SEC63: variants seen among roughly 807,000 people sequenced by gnomAD.
SEC63 encodes translocation protein SEC63 homolog.
A neutral mutation model predicts 116.2 loss-of-function variants in SEC63; 56 were observed. That is an observed-to-expected ratio of 0.48 (90% CI 0.39 to 0.60). The LOEUF (loss-of-function observed/expected upper bound fraction) is 0.60. SEC63 is among the 20% of genes least tolerant of loss of function. The probability of loss-of-function intolerance (pLI) is 0.00; values close to 1 mark genes in which losing one functional copy is unlikely to be tolerated. For synonymous variants in SEC63, 273 were observed against 294.6 expected (o/e 0.93, Z 0.75); for missense variants, 668 against 900.0 (o/e 0.74, Z 3.30).
At chr6:107,896,568 G>A (rs142134708) in intron 14 of SEC63, among the ~76,000 whole-genome samples, 4 of 152,306 alleles carry the variant, frequency 2.6e-5, no homozygotes, top group East Asian at 3.9e-4. Flanking sequence ...ATATATGTAC[G>A]TATGCACTAT....
intron 4 of SEC63, among the ~76,000 whole-genome samples, chr6:107,918,526 T>C (rs1787467758): frequency 6.6e-6 from 1 of 151,996 alleles, no homozygotes; most frequent in Non-Finnish European, 1.5e-5. Context: ...ACCCTGTCTC[T>C]ACTAAAAATA....
chr6:107,903,947 G>A (rs574387930), intron 11 of SEC63, among the ~76,000 whole-genome samples: 9 of 151,684 alleles, frequency 5.9e-5, no homozygotes, highest in South Asian at 2.1e-4. Flanking sequence ...ATGAAACCCC[G>A]TCTCTACTAA....
intron 20 of SEC63, 124 bp downstream of exon 20, chr6:107,872,684 T>C (rs760112529): frequency 5.6e-5 from 37 of 665,858 alleles, no homozygotes; most frequent in Non-Finnish European, 8.1e-5. Context: ...GTATATCATA[T>C]ATAAAGCATG....
intron 19 of SEC63, among the ~76,000 whole-genome samples, chr6:107,874,862 T>G (rs529102775): frequency 6.6e-6 from 1 of 152,176 alleles, no homozygotes; most frequent in Non-Finnish European, 1.5e-5. Flanking sequence ...GATCCTTGAT[T>G]AGATCCTGAG....
intron 18 of SEC63, among the ~76,000 whole-genome samples, chr6:107,878,553 T>A (rs1786334109): frequency 6.6e-6 from 1 of 152,332 alleles, no homozygotes; most frequent in African/African-American, 2.4e-5. Context: ...ACAATGAGAT[T>A]CACTCAAGAA....
intron 1 of SEC63, among the ~76,000 whole-genome samples, chr6:107,937,477 A>G (rs1449187302): frequency 6.6e-6 from 1 of 152,174 alleles, no homozygotes; most frequent in Non-Finnish European, 1.5e-5. Flanking sequence ...GGTTGGTACC[A>G]TGTCTTTGCT....
chr6:107,898,502 G>C (rs1429018181), intron 13 of SEC63, among the ~76,000 whole-genome samples: 3 of 151,970 alleles, frequency 2.0e-5, no homozygotes, highest in Non-Finnish European at 4.4e-5. Flanking sequence ...AAAAAATAAT[G>C]AAAGCTAGTA....
At position 107,903,014 on chromosome 6, in the gene SEC63, A is replaced by G. The variant is rs1488947011; in HGVS notation, c.1055-16T>C. 6 of 1,612,630 alleles carry G rather than the reference A, an allele frequency of 3.7e-6. No homozygotes were observed. The highest frequency in any genetic ancestry group is 5.1e-6 in the Non-Finnish European group (6 of 1,178,838). On this transcript the variant is annotated splice_polypyrimidine_tract_variant and intron_variant, in intron 11 of 20. Transcript: ENST00000369002. ...AACTCCCTTTCTTAGAAAGAACAGG[A>G]AAAAAAGAAACAGGGCTGGACTTTT...
At chr6:107,939,890 C>T (rs963357424) in intron 1 of SEC63, among the ~76,000 whole-genome samples, 5 of 152,078 alleles carry the variant, frequency 3.3e-5, no homozygotes, top group East Asian at 1.9e-4. Flanking sequence ...CTGCTCTAGA[C>T]GACCAAAAAT....
chr6:107,950,481 G>A (rs1229237776), intron 1 of SEC63, among the ~76,000 whole-genome samples: 2 of 152,164 alleles, frequency 1.3e-5, no homozygotes, highest in African/African-American at 4.8e-5. Context: ...TTGTTCAGAA[G>A]TGCCATGGGA....
chr6:107,952,756 C>T (rs1770606704), intron 1 of SEC63, among the ~76,000 whole-genome samples: 1 of 151,694 alleles, frequency 6.6e-6, no homozygotes, highest in South Asian at 2.1e-4. Flanking sequence ...AGACTTCATG[C>T]CAAAACAAAC....
At chr6:107,922,908 TAGAA>T (rs1401128660) in intron 3 of SEC63, among the ~76,000 whole-genome samples, 5 of 151,298 alleles carry the variant, frequency 3.3e-5, no homozygotes, top group East Asian at 3.9e-4. Flanking sequence ...GGGGAGAAAA[TAGAA>T]AGAGCACTAG....
intron 20 of SEC63, 102 bp from the exon 21 acceptor site, chr6:107,871,949 A>G: frequency 1.7e-6 from 2 of 1,172,722 alleles, no homozygotes; most frequent in South Asian, 2.6e-5. Context: ...AATTACAAAG[A>G]AATAGTTTTT....
intron 11 of SEC63, 27 bp from the exon 12 acceptor site, chr6:107,903,025 C>T: frequency 6.2e-7 from 1 of 1,613,132 alleles, no homozygotes; most frequent in South Asian, 1.1e-5. Context: ...AAAAAAGAAA[C>T]AGGGCTGGAC....
chr6:107,912,763 C>T lies in SEC63; in HGVS notation c.526G>A (p.Gly176Arg). The T allele has an allele frequency of 6.2e-7, 1 of 1,610,860 alleles. No individual in the cohort carries two copies. The change falls in exon 6 of 21, where the codon GGA (glycine) becomes AGA (arginine). Residue 176 changes from glycine (G) to arginine (R), a missense_variant. This residue lies in a region of SEC63 where 430 missense variants were observed against 557.5 expected (regional missense o/e 0.77). Coordinates refer to ENST00000369002, the MANE Select transcript of SEC63 (RefSeq NM_007214.5). ...ACTATCCAAGCTGGCAGGGCAATTC[C>T]AAAGCTTGTGGCTGAAATAGAAAAA... The part of the protein sequence containing the change: ...NPDGPQATSF[G>R]IALPAWIVDQ...
chr6:107,910,447 C>A (rs998693531), intron 7 of SEC63, among the ~76,000 whole-genome samples: 1 of 152,014 alleles, frequency 6.6e-6, no homozygotes, highest in African/African-American at 2.4e-5. Context: ...TACAGCAAGA[C>A]CTTGTCTCAA....
rs1273237179 is a variant in SEC63 at position 107,870,924 on chromosome 6, T to TA, written c.*779dup. 2 of 152,540 alleles carry TA rather than the reference T, an allele frequency of 1.3e-5. No homozygotes were observed. Among genetic ancestry groups the TA allele is most frequent in the African/African-American group, 4.8e-5 (2 of 41,438 alleles). 9.4% of individuals were successfully genotyped at this position (152,540 alleles called of 1,614,324 possible). Reference sequence around the variant, plus strand: ...TTCAGCTTTTAGAGTGAACCTTTTTTAAAAAAGGTTTAATAACATAAGCCA... The same window carrying TA: ...TTCAGCTTTTAGAGTGAACCTTTTTTAAAAAAAGGTTTAATAACATAAGCCA... On this transcript the variant is annotated 3_prime_UTR_variant, in exon 21 of 21. Transcript: ENST00000369002.
chr6:107,915,611 T>C (rs1787383536), intron 4 of SEC63, among the ~76,000 whole-genome samples: 1 of 151,798 alleles, frequency 6.6e-6, no homozygotes. Flanking sequence ...GTATAACTCC[T>C]AAAGGAAAGA....
chr6:107,913,322 T>A, intron 5 of SEC63, 44 bp downstream of exon 5: 1 of 1,162,782 alleles, frequency 8.6e-7, no homozygotes, highest in East Asian at 2.3e-5. Context: ...ATTTTTATAA[T>A]ATATACCATA....
Sources: gnomAD v4.1 joint callset for allele counts (sites outside exome capture counted in the v4.1 genomes callset) on GRCh38, gnomAD v4.1.1 for gene constraint, gnomAD v4.1.1 regional missense constraint, MANE v1.5 for transcripts, NCBI Gene and HGNC (gene_info 2026-07-23, HGNC 2026-07-21) for gene names.